MED22: variants seen among roughly 807,000 people sequenced by gnomAD.
MED22 encodes the protein mediator complex subunit 22.
MED22 carries 22 observed loss-of-function variants against 22.7 expected under a neutral mutation model. The ratio of observed to expected loss-of-function variants is 0.97; its 90% CI spans 0.69 to 1.38. MED22 has a LOEUF of 1.38. Among genes scored for constraint, MED22 ranks in the 40% most tolerant of loss-of-function variants. The pLI is 0.00. For synonymous variants in MED22, 134 were observed against 119.4 expected, an observed-to-expected ratio of 1.12 and a Z score of -0.80; for missense variants, 247 against 263.0, an observed-to-expected ratio of 0.94 and a Z score of 0.42.
Position 133,341,504 on chromosome 9 carries a change from C to A in MED22, c.*1G>T. ...TGAGAACGAAGCGTGGCCCCGGAGG[C>A]TCAGGCGTGCTCAGTGGGGCCAGGG... On this transcript the variant is annotated 3_prime_UTR_variant, in exon 5 of 5. Coordinates refer to ENST00000343730, the MANE Select transcript of MED22 (RefSeq NM_133640.5). 2.0e-6 allele frequency: 3 copies of A among 1,496,976 alleles called. No individual in the cohort carries two copies. Among genetic ancestry groups the A allele is most frequent in the Non-Finnish European group, 2.6e-6 (3 of 1,132,552 alleles). 92.7% of individuals were successfully genotyped at this position (1,496,976 alleles called of 1,614,324 possible). A position where few individuals can be genotyped will look rare whatever the true frequency, so the allele number is the denominator to read the frequency against.
rs2129970462 is a variant in MED22 at position 133,346,926 on chromosome 9, T to C, written c.-38-226A>G. 1.8e-4 allele frequency among the ~76,000 whole-genome samples: 27 copies of C among 152,236 alleles called. No individual in the cohort carries two copies. In the South Asian group the frequency reaches 3.9e-3, roughly 22 times the overall value. ...TCATCCTGGAACTCCTGGCCAGCCC[T>C]CCAAGCCCTGTCCAGGGCTCCAGTC... On this transcript the variant is annotated intron_variant, in intron 1 of 4. Transcript: ENST00000343730.
Position 133,341,566 on chromosome 9 carries a change from A to C in MED22, c.542T>G (p.Leu181Arg), listed in dbSNP as rs1836004408. 3.2e-6 allele frequency: 5 copies of C among 1,561,836 alleles called. No individual in the cohort carries two copies. The South Asian group carries it at 6.0e-5, about 19-fold the overall frequency. The change falls in exon 5 of 5, where the codon CTA (leucine) becomes CGA (arginine). Residue 181 changes from leucine to arginine, a missense_variant. Physicochemically the swap from Leu to Arg is moderately radical, Grantham distance 102. Coordinates refer to ENST00000343730, the MANE Select transcript of MED22 (RefSeq NM_133640.5). The stretch of plus-strand genomic sequence containing the variant: ...GGAGTGGGCAGGGGCTGCCACCTGT[A>C]GGGGGCCAGCACTGGGCTCCGGGGA... The part of the protein sequence containing the change: ...LASPEPSAGP[L>R]QVAAPAHSHA...
intron 4 of MED22, chr9:133,342,968 C>A: frequency 1.0e-6 from 1 of 985,904 alleles, no homozygotes; most frequent in Non-Finnish European, 1.2e-6. Flanking sequence ...ACAAACTGAA[C>A]AGCTGTGGAA....
At position 133,340,105 on chromosome 9, in the gene MED22, G is replaced by A. The variant is rs2129944280; in HGVS notation, c.*1400C>T. ...CTGGTTGTAATCTTTTTCTTCCTCA[G>A]TGGTTAAGTACAAGGCATTTCCACA... On this transcript the variant is annotated 3_prime_UTR_variant, in exon 5 of 5. Coordinates refer to ENST00000343730, the MANE Select transcript of MED22 (RefSeq NM_133640.5). The A allele has an allele frequency of 2.0e-5, 3 of 152,330 alleles. No individual in the cohort carries two copies. Among genetic ancestry groups the A allele is most frequent in the Admixed American group, 1.3e-4 (2 of 15,270 alleles). 9.4% of individuals were successfully genotyped at this position (152,330 alleles called of 1,614,324 possible).
At chr9:133,342,483 A>G (rs1163451842) in intron 4 of MED22, 49 of 986,614 alleles carry the variant, frequency 5.0e-5, no homozygotes, top group Non-Finnish European at 5.9e-5. Context: ...AAGGAGAGGC[A>G]GAGCCAGAAA....
rs1311516608 is a variant in MED22 at position 133,346,818 on chromosome 9, A to G, written c.-38-118T>C. On this transcript the variant is annotated intron_variant, in intron 1 of 4. Coordinates refer to ENST00000343730, the MANE Select transcript of MED22 (RefSeq NM_133640.5). The stretch of plus-strand genomic sequence containing the variant: ...ATTCCCTTTCTGCCAAATAAAGTCA[A>G]TCACTGAAACACAGATGAACTCATT... The G allele has an allele frequency of 4.3e-6, 4 of 933,582 alleles. No homozygotes were observed. The East Asian group carries it at 1.1e-4, about 25-fold the overall frequency. 57.8% of individuals were successfully genotyped at this position (933,582 alleles called of 1,614,324 possible).
chr9:133,346,832 G>A, intron 1 of MED22, 132 bp from the exon 2 acceptor site: 1 of 847,858 alleles, frequency 1.2e-6, no homozygotes. Flanking sequence ...CTGAAACACA[G>A]ATGAACTCAT....
chr9:133,346,508 C>T lies in MED22; in HGVS notation c.123+32G>A, dbSNP rs2129968384. Reference sequence around the variant, plus strand: ...TCCTGTCTCCACCCCTTCTCAGACTCTGCTCCCCTTGGTGGGCCACCCCAC... The same window carrying T: ...TCCTGTCTCCACCCCTTCTCAGACTTTGCTCCCCTTGGTGGGCCACCCCAC... On this transcript the variant is annotated intron_variant, in intron 2 of 4. Transcript: ENST00000343730. 4.8e-5 allele frequency: 77 copies of T among 1,610,836 alleles called. 3 individuals carry two copies. In the South Asian group the frequency reaches 8.0e-4, roughly 17 times the overall value.
At chr9:133,342,438 C>A (rs2129953263) in intron 4 of MED22, 5 of 985,754 alleles carry the variant, frequency 5.1e-6, no homozygotes, top group Non-Finnish European at 6.0e-6. Flanking sequence ...GTCTCAGAAC[C>A]GTCCTGGGCA....
rs201266667 is a variant in MED22, at chr9:133,346,198, G to GC, written c.123+341dup. ...TGCTGACCGCTCCACCTGCCTGGAGGCCCCCCCCCACTTCTCCCCTCAGTC... is the reference window on the plus strand; with the variant it reads ...TGCTGACCGCTCCACCTGCCTGGAGGCCCCCCCCCCACTTCTCCCCTCAGTC... On this transcript the variant is annotated intron_variant, in intron 2 of 4. Transcript: ENST00000343730. Among the ~76,000 whole-genome samples the GC allele has an allele frequency of 1.5e-3, 222 of 151,670 alleles. 1 individual carries two copies. The highest frequency in any genetic ancestry group is 3.1e-3 in the African/African-American group (128 of 41,240).
In MED22 at chr9:133,344,186, T is replaced by C. The variant is rs2129960241; in HGVS notation, c.352A>G (p.Thr118Ala). 2 of 1,614,190 alleles carry C rather than the reference T, an allele frequency of 1.2e-6. No individual in the cohort carries two copies. Among genetic ancestry groups the C allele is most frequent in the Non-Finnish European group, 1.7e-6 (2 of 1,180,030 alleles). Residue 118 changes from threonine to alanine, a missense_variant, in exon 4 of 5, where the codon ACG (threonine) becomes GCG (alanine). Thr to Ala is a moderately conservative substitution (Grantham distance 58, BLOSUM62 0). Coordinates refer to ENST00000343730, the MANE Select transcript of MED22 (RefSeq NM_133640.5). ...LQEECDRKLI[T>A]LRDEISIDLY... ...TCAATGGAGATCTCGTCTCGCAGCG[T>C]GATGAGCTTCCGGTCGCACTCCTCC...
Position 133,339,294 on chromosome 9 carries a change from A to C in MED22, c.*2211T>G, listed in dbSNP as rs1835956819. On this transcript the variant is annotated 3_prime_UTR_variant, in exon 5 of 5. Transcript: ENST00000343730. ...CACTAAGCACTCTAAGAGCCGAGAG[A>C]GCTTCCTGAAACGCGTGAAGGAAAA... is the stretch of plus-strand genomic sequence containing the variant. 4.2e-6 allele frequency: 3 copies of C among 706,210 alleles called. No individual in the cohort carries two copies. Among genetic ancestry groups the C allele is most frequent in the African/African-American group, 1.8e-5 (1 of 56,992 alleles). The allele number at this position is 706,210 out of a possible 1,614,324, so 43.7% of individuals were successfully genotyped here. A position where few individuals can be genotyped will look rare whatever the true frequency, so the allele number is the denominator to read the frequency against.
At position 133,344,286 on chromosome 9, in the gene MED22, C is replaced by G; in HGVS notation, c.252G>C (p.Gln84His). 1.2e-6 allele frequency: 2 copies of G among 1,614,198 alleles called. No homozygotes were observed. The highest frequency in any genetic ancestry group is 1.7e-6 in the Non-Finnish European group (2 of 1,180,032). ...SLMKLVSDLK[Q>H]FLILNDFPSV... ...AGGGGAAGTCATTGAGGATCAGGAACTGCTTGAGGTCGGACACCAGCTTCA... is the reference window on the plus strand; with the variant it reads ...AGGGGAAGTCATTGAGGATCAGGAAGTGCTTGAGGTCGGACACCAGCTTCA... Residue 84 changes from glutamine (Q) to histidine (H), a missense_variant, in exon 4 of 5, where the codon CAG becomes CAC. Transcript: ENST00000343730.
Position 133,344,182 on chromosome 9 carries a change from A to C in MED22, c.356T>G (p.Leu119Arg), listed in dbSNP as rs1836107962. 6.2e-7 allele frequency: 1 copy of C among 1,614,084 alleles called. No individual in the cohort carries two copies. Among genetic ancestry groups the C allele is most frequent in the African/African-American group, 1.3e-5 (1 of 74,998 alleles). Residue 119 changes from leucine (L) to arginine (R), a missense_variant, in exon 4 of 5, where the codon CTG becomes CGG. Leu to Arg is a moderately radical substitution (Grantham distance 102). Coordinates refer to ENST00000343730, the MANE Select transcript of MED22 (RefSeq NM_133640.5). ...QEECDRKLITLRDEISIDLYE... is the reference protein window; with the variant it reads ...QEECDRKLITRRDEISIDLYE... ...GAGGTCAATGGAGATCTCGTCTCGC[A>C]GCGTGATGAGCTTCCGGTCGCACTC...
At chr9:133,344,450 A>G (rs993285386) in intron 3 of MED22, 117 bp from the exon 4 acceptor site, 2 of 967,544 alleles carry the variant, frequency 2.1e-6, no homozygotes, top group Non-Finnish European at 3.1e-6. Flanking sequence ...CCTCATCTGC[A>G]AAGTGGGACT....
intron 4 of MED22, chr9:133,343,178 C>T: frequency 2.8e-6 from 3 of 1,079,144 alleles, no homozygotes; most frequent in South Asian, 4.5e-5. Flanking sequence ...CCAGGTCATG[C>T]TGGCTCTGGA....
Position 133,344,295 on chromosome 9 carries a change from G to C in MED22, c.243C>G (p.Asp81Glu). ...AGESLMKLVS[D>E]LKQFLILNDF... Reference sequence around the variant, plus strand: ...CATTGAGGATCAGGAACTGCTTGAGGTCGGACACCAGCTTCATCAGGGACT... The same window carrying C: ...CATTGAGGATCAGGAACTGCTTGAGCTCGGACACCAGCTTCATCAGGGACT... The change falls in exon 4 of 5, where the codon GAC (aspartate) becomes GAG (glutamate). Residue 81 changes from aspartate to glutamate, a missense_variant. Asp to Glu is a conservative substitution (Grantham distance 45). Transcript: ENST00000343730. 1 of 1,614,180 alleles carries C rather than the reference G, an allele frequency of 6.2e-7. No homozygotes were observed.
chr9:133,345,354 T>G, intron 2 of MED22, 102 bp from the exon 3 acceptor site: 1 of 1,139,220 alleles, frequency 8.8e-7, no homozygotes. Flanking sequence ...ACCCAGGATG[T>G]CCACACTGGC....
rs929489669 is a variant in MED22 at position 133,340,846 on chromosome 9, C to T, written c.*659G>A. On this transcript the variant is annotated 3_prime_UTR_variant, in exon 5 of 5. Coordinates refer to ENST00000343730, the MANE Select transcript of MED22 (RefSeq NM_133640.5). ...AGCTGAGGAGCTGCTGCTCGGACAA[C>T]TGCTGGGAGACCAAGGATGGTCCTG... 5 of 152,318 alleles carry T rather than the reference C, an allele frequency of 3.3e-5. No homozygotes were observed. The highest frequency in any genetic ancestry group is 1.2e-4 in the African/African-American group (5 of 41,478). The allele number at this position is 152,318 out of a possible 1,614,324, so 9.4% of individuals were successfully genotyped here. A position where few individuals can be genotyped will look rare whatever the true frequency, so the allele number is the denominator to read the frequency against.
Sources: allele counts gnomAD v4.1 joint callset (sites outside exome capture counted in the v4.1 genomes callset), GRCh38; gene constraint gnomAD v4.1.1; transcripts MANE v1.5; gene names NCBI Gene and HGNC (gene_info 2026-07-23, HGNC 2026-07-21).